The following UTP20 variants were observed in gnomAD, a reference collection of about 807,000 sequenced individuals.
The protein encoded by UTP20 is UTP20 small subunit processome component.
A neutral mutation model predicts 329.5 loss-of-function variants in UTP20; 164 were observed. The observed-to-expected ratio is 0.50, with a 90% CI of 0.44 to 0.57. The LOEUF (loss-of-function observed/expected upper bound fraction) is 0.57, where lower values mean the gene tolerates loss of function less well. Among genes scored for constraint, UTP20 ranks in the 20% least tolerant of loss-of-function variants. The pLI is 0.00. For synonymous variants in UTP20, 1,151 were observed against 1,159.3 expected, an observed-to-expected ratio of 0.99 and a Z score of 0.14; for missense variants, 3,055 against 3,284.2, an observed-to-expected ratio of 0.93 and a Z score of 1.71.
At chr12:101,301,429 AGGCCGAAGTGAGT>A (rs1207271051) in intron 14 of UTP20, among the ~76,000 whole-genome samples, 1 of 152,218 alleles carries the variant, frequency 6.6e-6, no homozygotes, top group Non-Finnish European at 1.5e-5. Context: ...GCACTTTGCG[AGGCCGAAGTGAGT>A]GGATCACCTG....
At chr12:101,328,961 G>T (rs1329903736) in intron 26 of UTP20, among the ~76,000 whole-genome samples, 1 of 151,888 alleles carries the variant, frequency 6.6e-6, no homozygotes, top group African/African-American at 2.4e-5. Context: ...TGAGAATTAG[G>T]TTTAGAGACT....
At chr12:101,282,306 G>A (rs1204624231) in intron 2 of UTP20, among the ~76,000 whole-genome samples, 1 of 152,164 alleles carries the variant, frequency 6.6e-6, no homozygotes, top group African/African-American at 2.4e-5. Flanking sequence ...GGTGACACCT[G>A]AATTTTGTTT....
At chr12:101,350,308 A>C (rs951672317) in intron 38 of UTP20, among the ~76,000 whole-genome samples, 1 of 152,056 alleles carries the variant, frequency 6.6e-6, no homozygotes, top group African/African-American at 2.4e-5. Flanking sequence ...CTGGGACTCC[A>C]GGTGTACACC....
At chr12:101,315,540 A>G (rs1404001717) in intron 21 of UTP20, among the ~76,000 whole-genome samples, 1 of 152,180 alleles carries the variant, frequency 6.6e-6, no homozygotes, top group Non-Finnish European at 1.5e-5. Flanking sequence ...TGGATACAGT[A>G]CATAAATTCA....
chr12:101,369,088 CT>C (rs903273523), intron 48 of UTP20, among the ~76,000 whole-genome samples: 4 of 152,160 alleles, frequency 2.6e-5, no homozygotes, highest in African/African-American at 9.7e-5. Context: ...GTTCCCGTGC[CT>C]GATTTCTGAG....
chr12:101,359,485 GTA>G (rs890365338), intron 43 of UTP20, among the ~76,000 whole-genome samples: 20 of 136,358 alleles, frequency 1.5e-4, no homozygotes, highest in African/African-American at 5.4e-4. Flanking sequence ...GTGTGTGTGT[GTA>G]TGTATGTGTG....
At position 101,286,325 on chromosome 12, in the gene UTP20, G is replaced by C; in HGVS notation, c.331G>C (p.Val111Leu). 6.3e-7 allele frequency: 1 copy of C among 1,596,300 alleles called. No individual in the cohort carries two copies. Among genetic ancestry groups the C allele is most frequent in the East Asian group, 2.2e-5 (1 of 44,638 alleles). ...TTGCTTCTTTTTTTAATCCAGTTTG[G>C]TTGTACAGTTGGCACGAGATCTGCA... ...SFAYQPLLDL[V>L]VQLARDLQMD... The change falls in exon 5 of 62, where the codon GTT becomes CTT. Residue 111 changes from valine (V) to leucine (L), a missense_variant. Physicochemically the swap from Val to Leu is conservative, Grantham distance 32. Coordinates refer to ENST00000261637, the MANE Select transcript of UTP20 (RefSeq NM_014503.3).
intron 14 of UTP20, 40 bp from the exon 15 acceptor site, chr12:101,302,408 G>T: frequency 8.0e-7 from 1 of 1,253,472 alleles, no homozygotes; most frequent in Non-Finnish European, 1.2e-6. Flanking sequence ...TAATGTCAAA[G>T]AAATAAGTAA....
intron 14 of UTP20, 26 bp from the exon 15 acceptor site, chr12:101,302,422 G>A (rs755585293): frequency 7.4e-7 from 1 of 1,349,642 alleles, no homozygotes; most frequent in Non-Finnish European, 1.1e-6. Flanking sequence ...TAAGTAATGT[G>A]GTTTCTCCTG....
intron 38 of UTP20, among the ~76,000 whole-genome samples, chr12:101,349,133 C>G (rs924125096): frequency 6.6e-6 from 1 of 151,858 alleles, no homozygotes. Flanking sequence ...TTTGTTCCCC[C>G]AAATGTAATG....
chr12:101,343,429 G>T (rs1389118389), intron 35 of UTP20, among the ~76,000 whole-genome samples: 1 of 152,112 alleles, frequency 6.6e-6, no homozygotes, highest in African/African-American at 2.4e-5. Flanking sequence ...TGGGTATAGG[G>T]TTTCTTTTGG....
intron 5 of UTP20, among the ~76,000 whole-genome samples, 170 bp downstream of exon 5, chr12:101,286,679 GAC>G (rs974923221): frequency 6.6e-6 from 1 of 151,378 alleles, no homozygotes; most frequent in Admixed American, 6.6e-5. Flanking sequence ...GAGTTGCCAT[GAC>G]CATCTCTCCT....
In UTP20 at chr12:101,290,150, A is replaced by G. The variant is rs1348553737; in HGVS notation, c.611A>G (p.Asn204Ser). The G allele has an allele frequency of 1.3e-6, 2 of 1,588,892 alleles. No homozygotes were observed. Among genetic ancestry groups the G allele is most frequent in the African/African-American group, 2.7e-5 (2 of 74,178 alleles). Reference sequence around the variant, plus strand: ...TTTATATTTTAGGTCTCTGATAAAAACGCACTTTTCAATTTAATGTTTCTT... The same window carrying G: ...TTTATATTTTAGGTCTCTGATAAAAGCGCACTTTTCAATTTAATGTTTCTT... Reference protein sequence around the residue: ...TFLMRKVSDKNALFNLMFLDL... With the variant: ...TFLMRKVSDKSALFNLMFLDL... The change falls in exon 7 of 62, where the codon AAC becomes AGC. Residue 204 changes from asparagine (N) to serine (S), a missense_variant. Asn to Ser is a conservative substitution (Grantham distance 46). Around this residue, in one of 3 missense-constraint regions of UTP20, gnomAD observed 2,445 missense variants for 2,575.5 expected, o/e 0.95. Coordinates refer to ENST00000261637, the MANE Select transcript of UTP20 (RefSeq NM_014503.3).
At chr12:101,331,433 G>A (rs573646956) in intron 27 of UTP20, among the ~76,000 whole-genome samples, 1 of 152,310 alleles carries the variant, frequency 6.6e-6, no homozygotes, top group South Asian at 2.1e-4. Context: ...TAGTAGAATT[G>A]AAGCAGAGCA....
At chr12:101,346,258 T>A (rs557247941) in intron 37 of UTP20, among the ~76,000 whole-genome samples, 193 bp from the exon 38 acceptor site, 1 of 152,238 alleles carries the variant, frequency 6.6e-6, no homozygotes, top group South Asian at 2.1e-4. Context: ...TCCATGTTGA[T>A]CAGGCTGGTC....
rs1870729848 is a variant in UTP20, at chr12:101,383,649, A to G, written c.8036A>G (p.Asn2679Ser). Residue 2679 changes from asparagine (N) to serine (S), a missense_variant, in exon 60 of 62, where the codon AAC (asparagine) becomes AGC (serine). By Grantham distance (46) the Asn-to-Ser change is conservative (BLOSUM62 1). This residue lies in a region of UTP20 where 337 missense variants were observed against 345.5 expected (regional missense o/e 0.98). Coordinates refer to ENST00000261637, the MANE Select transcript of UTP20 (RefSeq NM_014503.3). ...ATAGCTCCTTTGTTTCGGGAACTCA[A>G]CAGCACCTATTCAGAGCAAGGTAAC... ...MIIAPLFREL[N>S]STYSEQDPLL... The G allele has an allele frequency of 1.9e-6, 3 of 1,613,312 alleles. No homozygotes were observed. The highest frequency in any genetic ancestry group is 2.2e-5 in the East Asian group (1 of 44,882).
chr12:101,352,952 T>C, intron 39 of UTP20, 95 bp from the exon 40 acceptor site: 1 of 592,174 alleles, frequency 1.7e-6, no homozygotes, highest in Non-Finnish European at 2.7e-6. Flanking sequence ...TAAAAATAAT[T>C]TTAATGTTTA....
In UTP20 at chr12:101,305,994, C is replaced by T. The variant is rs764486594; in HGVS notation, c.1861C>T (p.Pro621Ser). 2.5e-6 allele frequency: 4 copies of T among 1,613,948 alleles called. No individual in the cohort carries two copies. Among genetic ancestry groups the T allele is most frequent in the Non-Finnish European group, 3.4e-6 (4 of 1,179,916 alleles). ...QRLALCGCKG[P>S]LSQEALMELF... ...ATTAGCCTTGTGTGGCTGCAAAGGG[C>T]CACTTTCCCAGGAGGCTTTAATGGA... The change falls in exon 16 of 62, where the codon CCA becomes TCA. Residue 621 changes from proline to serine, a missense_variant. Coordinates refer to ENST00000261637, the MANE Select transcript of UTP20 (RefSeq NM_014503.3).
chr12:101,295,351 G>T, intron 11 of UTP20, 129 bp from the exon 12 acceptor site: 1 of 798,062 alleles, frequency 1.3e-6, no homozygotes, highest in East Asian at 2.7e-5. Context: ...AGTTTCCATT[G>T]TTCCTATGTA....
Sources: gnomAD v4.1 joint callset for allele counts (sites outside exome capture counted in the v4.1 genomes callset) on GRCh38, gnomAD v4.1.1 for gene constraint, gnomAD v4.1.1 regional missense constraint, MANE v1.5 for transcripts, NCBI Gene and HGNC (gene_info 2026-07-23, HGNC 2026-07-21) for gene names.